CEMIP2: variants seen among roughly 807,000 people sequenced by gnomAD.
The protein encoded by CEMIP2 is cell migration inducing hyaluronidase 2.
CEMIP2 carries 79 observed loss-of-function variants against 146.9 expected under a neutral mutation model. The ratio of observed to expected loss-of-function variants is 0.54; its 90% CI spans 0.45 to 0.65. The LOEUF (loss-of-function observed/expected upper bound fraction) is 0.65. Among genes scored for constraint, CEMIP2 ranks in the 30% least tolerant of loss-of-function variants. The probability of loss-of-function intolerance (pLI) is 0.00; values close to 1 mark genes in which losing one functional copy is unlikely to be tolerated. For synonymous variants in CEMIP2, 601 were observed against 606.3 expected, an observed-to-expected ratio of 0.99 and a Z score of 0.13; for missense variants, 1,596 against 1,696.2, an observed-to-expected ratio of 0.94 and a Z score of 1.04.
At position 71,709,447 on chromosome 9, in the gene CEMIP2, G is replaced by C. The variant is rs892799064; in HGVS notation, c.2797C>G (p.Pro933Ala). ...HVSLNVFFGK[P>A]GPWFEDCEMD... ...TCACAATCTTCAAACCAGGGACCAGGCTTTCCAAAAAAGACATTCAGAGAG... is the reference window on the plus strand; with the variant it reads ...TCACAATCTTCAAACCAGGGACCAGCCTTTCCAAAAAAGACATTCAGAGAG... The change falls in exon 17 of 24, where the codon CCT (proline) becomes GCT (alanine). Residue 933 changes from proline to alanine, a missense_variant. Coordinates refer to ENST00000377044, the MANE Select transcript of CEMIP2 (RefSeq NM_013390.3). The C allele has an allele frequency of 7.4e-6, 12 of 1,613,978 alleles. No individual in the cohort carries two copies. In the South Asian group the frequency reaches 8.8e-5, roughly 12 times the overall value.
chr9:71,713,976 A>G (rs1822978625), intron 15 of CEMIP2, among the ~76,000 whole-genome samples: 1 of 151,906 alleles, frequency 6.6e-6, no homozygotes, highest in South Asian at 2.1e-4. Flanking sequence ...CACAGAGTGT[A>G]GCACATAGCA....
rs1344383105 is a variant in CEMIP2 at position 71,730,822 on chromosome 9, G to A, written c.1656C>T (p.His552=). The A allele has an allele frequency of 1.2e-6, 2 of 1,614,036 alleles. No homozygotes were observed. The highest frequency in any genetic ancestry group is 1.3e-5 in the African/African-American group (1 of 74,916). The part of the protein sequence containing the change: ...QQMGRYPVHF[H]LCGDVDYKGG... ...CTTTATAATCCACGTCACCACACAG[G>A]TGAAAATGAACAGGGTATCGCCCCA... The change falls in exon 8 of 24, where the codon CAC becomes CAT. Residue 552 remains histidine, a synonymous_variant. Coordinates refer to ENST00000377044, the MANE Select transcript of CEMIP2 (RefSeq NM_013390.3).
Position 71,712,065 on chromosome 9 carries a change from A to G in CEMIP2, c.2769+18T>C. On this transcript the variant is annotated intron_variant, in intron 16 of 23. Transcript: ENST00000377044. ...TTTTCACCATAGTCACTACGTAAGA[A>G]CTACAGAACATACTTACATGTGGAC... 1 of 1,609,392 alleles carries G rather than the reference A, an allele frequency of 6.2e-7. No homozygotes were observed. Among genetic ancestry groups the G allele is most frequent in the African/African-American group, 1.3e-5 (1 of 74,852 alleles).
At chr9:71,691,165 C>T (rs1272576579) in intron 21 of CEMIP2, among the ~76,000 whole-genome samples, 3 of 152,150 alleles carry the variant, frequency 2.0e-5, no homozygotes, top group Non-Finnish European at 2.9e-5. Flanking sequence ...TGGTGGCTTA[C>T]GCCTGTAATC....
chr9:71,690,439 T>C (rs1041045520), intron 21 of CEMIP2, among the ~76,000 whole-genome samples, 193 bp from the exon 22 acceptor site: 1 of 152,244 alleles, frequency 6.6e-6, no homozygotes, highest in African/African-American at 2.4e-5. Flanking sequence ...GCACTGCCTA[T>C]AGATTCTGCC....
At chr9:71,752,886 C>G (rs1245293828) in intron 1 of CEMIP2, among the ~76,000 whole-genome samples, 1 of 152,100 alleles carries the variant, frequency 6.6e-6, no homozygotes, top group Non-Finnish European at 1.5e-5. Context: ...AGAACATTCT[C>G]AGAGTCAGTG....
In CEMIP2 at chr9:71,730,180, G is replaced by A. The variant is rs745705327; in HGVS notation, c.1847C>T (p.Thr616Ile). ...GAGGAGTCCCAGATTGTGGAACAAA[G>A]TATTCCTCTGTTCAATACCATCTTC... is the stretch of plus-strand genomic sequence containing the variant. ...FLEDGIEQRN[T>I]LFHNLGLLTK... is the part of the protein sequence containing the mutation. Residue 616 changes from threonine to isoleucine, a missense_variant, in exon 9 of 24, where the codon ACT becomes ATT. Thr to Ile is a moderately conservative substitution (Grantham distance 89). Transcript: ENST00000377044. The A allele has an allele frequency of 1.2e-6, 2 of 1,614,172 alleles. No homozygotes were observed. The highest frequency in any genetic ancestry group is 1.1e-5 in the South Asian group (1 of 91,078).
chr9:71,734,778 C>T (rs760545459), intron 6 of CEMIP2, 28 bp downstream of exon 6: 1 of 1,536,240 alleles, frequency 6.5e-7, no homozygotes, highest in South Asian at 1.3e-5. Flanking sequence ...AGTGTGTTTC[C>T]CAAGAAGTAC....
intron 4 of CEMIP2, among the ~76,000 whole-genome samples, chr9:71,743,774 T>G (rs1823991822): frequency 6.6e-6 from 1 of 152,224 alleles, no homozygotes; most frequent in Non-Finnish European, 1.5e-5. Flanking sequence ...ATCCCCTACA[T>G]GAATAAAAGC....
At chr9:71,764,848 C>A (rs919270975) in intron 1 of CEMIP2, among the ~76,000 whole-genome samples, 4 of 151,866 alleles carry the variant, frequency 2.6e-5, no homozygotes, top group Admixed American at 1.3e-4. Flanking sequence ...AATTATACCT[C>A]TTTACAAATG....
intron 1 of CEMIP2, among the ~76,000 whole-genome samples, chr9:71,759,193 A>C (rs549184005): frequency 8.6e-4 from 131 of 152,290 alleles, no homozygotes; most frequent in Non-Finnish European, 1.4e-3. Context: ...TATTTGATCG[A>C]TTTAGACACA....
chr9:71,728,241 A>C lies in CEMIP2; in HGVS notation c.2049+1604T>G, dbSNP rs1408705632. On this transcript the variant is annotated intron_variant, in intron 10 of 23. Transcript: ENST00000377044. ...TCTCTCTCTCTCTCTCTATATATAT[A>C]TATATATATGTATATACACGTATAT... 6.0e-4 allele frequency among the ~76,000 whole-genome samples: 29 copies of C among 48,038 alleles called. 1 individual carries two copies. The highest frequency in any genetic ancestry group is 9.3e-4 in the African/African-American group (15 of 16,094). The allele number at this position is 48,038 out of a possible 152,430, so 31.5% of individuals were successfully genotyped here.
chr9:71,731,747 A>AT lies in CEMIP2; in HGVS notation c.1563+603dup, dbSNP rs58635265. Among the ~76,000 whole-genome samples the AT allele has an allele frequency of 2.6e-5, 4 of 151,462 alleles. No individual in the cohort carries two copies. In the East Asian group the frequency reaches 7.8e-4, roughly 29 times the overall value. ...ACTGTATCTCAAAAAAAAAAAAAAA[A>AT]TTCCTTGTAACAGAAATACTACTTA... On this transcript the variant is annotated intron_variant, in intron 7 of 23. Coordinates refer to ENST00000377044, the MANE Select transcript of CEMIP2 (RefSeq NM_013390.3).
intron 20 of CEMIP2, 84 bp from the exon 21 acceptor site, chr9:71,694,691 A>G (rs1822343108): frequency 1.2e-6 from 1 of 839,936 alleles, no homozygotes; most frequent in Admixed American, 2.2e-5. Flanking sequence ...ATTATAATTA[A>G]AGCCAGTGGT....
At chr9:71,710,087 T>C (rs1589137226) in intron 16 of CEMIP2, among the ~76,000 whole-genome samples, 2 of 152,216 alleles carry the variant, frequency 1.3e-5, no homozygotes, top group Admixed American at 1.3e-4. Context: ...ATAAACTCAC[T>C]AGAATCTGCT....
chr9:71,757,381 T>A (rs913535978), intron 1 of CEMIP2, among the ~76,000 whole-genome samples: 2 of 152,220 alleles, frequency 1.3e-5, no homozygotes, highest in African/African-American at 4.8e-5. Context: ...CATAATTTTT[T>A]AAACAATACT....
At chr9:71,723,149 A>AAAC (rs1823288815) in intron 11 of CEMIP2, among the ~76,000 whole-genome samples, 2 of 151,610 alleles carry the variant, frequency 1.3e-5, no homozygotes, top group Non-Finnish European at 2.9e-5. Flanking sequence ...AAAAAAAAAA[A>AAAC]AAACAAAACC....
chr9:71,697,715 AC>A, intron 20 of CEMIP2: 1 of 365,122 alleles, frequency 2.7e-6, no homozygotes, highest in East Asian at 4.7e-5. Context: ...AAAAATGAGG[AC>A]CAACATAGCA....
In CEMIP2 at chr9:71,711,379, G is replaced by T. The variant is rs143222785; in HGVS notation, c.2769+704C>A. ...GAGTTAAAGACCAGCCCAGGCTAAT[G>T]AGGCCCTTTCTCTATTAAAAAAAAA... On this transcript the variant is annotated intron_variant, in intron 16 of 23. Transcript: ENST00000377044. Among the ~76,000 whole-genome samples, 1,274 of 148,800 alleles carry T rather than the reference G, an allele frequency of 8.6e-3. 56 individuals are homozygous for T. Among genetic ancestry groups the T allele is most frequent in the Admixed American group, 0.077 (1,144 of 14,878 alleles).
Sources: allele counts gnomAD v4.1 joint callset (sites outside exome capture counted in the v4.1 genomes callset), GRCh38; gene constraint gnomAD v4.1.1; transcripts MANE v1.5; gene names NCBI Gene and HGNC (gene_info 2026-07-23, HGNC 2026-07-21).